WDFY3: variants seen among roughly 807,000 people sequenced by gnomAD.
The protein encoded by WDFY3 is WD repeat and FYVE domain containing 3.
WDFY3 carries 66 observed loss-of-function variants against 409.6 expected under a neutral mutation model. That is an observed-to-expected ratio of 0.16 (90% CI 0.13 to 0.20). The LOEUF (loss-of-function observed/expected upper bound fraction) is 0.20. Among genes scored for constraint, WDFY3 ranks in the 10% least tolerant of loss-of-function variants. The pLI, the probability that WDFY3 is intolerant of heterozygous loss-of-function variation, is 1.00. For synonymous variants in WDFY3, 1,521 were observed against 1,537.1 expected, an observed-to-expected ratio of 0.99 and a Z score of 0.25; for missense variants, 3,031 against 4,298.1, an observed-to-expected ratio of 0.71 and a Z score of 8.24.
chr4:84,690,355 C>CA, intron 61 of WDFY3, 151 bp downstream of exon 61: 2 of 1,105,390 alleles, frequency 1.8e-6, no homozygotes, highest in Non-Finnish European at 2.5e-6. Flanking sequence ...CTTTTTTTTT[C>CA]AAAAAAGTAT....
chr4:84,869,505 A>G (rs1761886458), intron 3 of WDFY3, among the ~76,000 whole-genome samples: 1 of 152,212 alleles, frequency 6.6e-6, no homozygotes, highest in Admixed American at 6.5e-5. Flanking sequence ...TGGTTACAAT[A>G]AAAAGTTATT....
chr4:84,704,050 A>T (rs535357652), intron 55 of WDFY3, among the ~76,000 whole-genome samples: 79 of 152,330 alleles, frequency 5.2e-4, no homozygotes, highest in Non-Finnish European at 1.0e-3. Flanking sequence ...GGAATATATC[A>T]TGTTTTTGTA....
intron 30 of WDFY3, among the ~76,000 whole-genome samples, chr4:84,767,623 TA>T (rs553099141): frequency 4.6e-3 from 605 of 131,568 alleles, no homozygotes; most frequent in African/African-American, 8.0e-3. Context: ...CACGCAATGA[TA>T]AAAAAAAAAA....
chr4:84,787,082 A>G (rs1043333456), intron 23 of WDFY3, among the ~76,000 whole-genome samples: 5 of 152,222 alleles, frequency 3.3e-5, no homozygotes, highest in African/African-American at 9.6e-5. Context: ...AATAATGTTA[A>G]GTGATCTCAT....
intron 43 of WDFY3, among the ~76,000 whole-genome samples, chr4:84,734,724 GA>G (rs1019582209): frequency 2.6e-5 from 4 of 152,178 alleles, no homozygotes; most frequent in Admixed American, 2.0e-4. Context: ...GCCTGAAAAA[GA>G]AGGCTCATTC....
chr4:84,778,118 TGTGAACATAAAATG>T (rs1392811010), intron 27 of WDFY3, among the ~76,000 whole-genome samples: 1 of 152,058 alleles, frequency 6.6e-6, no homozygotes, highest in African/African-American at 2.4e-5. Flanking sequence ...GACTATGAAA[TGTGAACATAAAATG>T]AATGATATTT....
intron 3 of WDFY3, among the ~76,000 whole-genome samples, chr4:84,866,720 C>A (rs938898617): frequency 2.6e-5 from 4 of 152,226 alleles, no homozygotes; most frequent in Admixed American, 2.0e-4. Context: ...CACTCCCACC[C>A]TGTGGAGTGC....
chr4:84,885,831 C>T (rs926106248), intron 3 of WDFY3, among the ~76,000 whole-genome samples: 32 of 152,128 alleles, frequency 2.1e-4, no homozygotes, highest in Admixed American at 1.3e-4. Context: ...ATCTAAAGGG[C>T]AATTTTGCAT....
Position 84,850,926 on chromosome 4 carries a change from CTGTTTTTTT to C in WDFY3, c.181-910_181-902del, listed in dbSNP as rs1324993417. ...AATTCTTATTTTTAATTTTATTTAT[CTGTTTTTTT>C]TTTTTTTTTTTTTTTTTTTTTTTTT... On this transcript the variant is annotated intron_variant, in intron 4 of 67. Coordinates refer to ENST00000295888, the MANE Select transcript of WDFY3 (RefSeq NM_014991.6). Among the ~76,000 whole-genome samples the C allele has an allele frequency of 3.2e-3, 103 of 32,154 alleles. 5 individuals are homozygous for C. Among genetic ancestry groups the C allele is most frequent in the African/African-American group, 9.6e-3 (79 of 8,238 alleles). The allele number at this position is 32,154 out of a possible 152,430, so 21.1% of individuals were successfully genotyped here. A position where few individuals can be genotyped will look rare whatever the true frequency, so the allele number is the denominator to read the frequency against.
chr4:84,908,351 T>A (rs1486526899), intron 2 of WDFY3, among the ~76,000 whole-genome samples: 1 of 152,158 alleles, frequency 6.6e-6, no homozygotes, highest in African/African-American at 2.4e-5. Context: ...TGATTGATTT[T>A]AAAATTAAAT....
intron 59 of WDFY3, 121 bp from the exon 60 acceptor site, chr4:84,691,906 A>G: frequency 1.0e-6 from 1 of 977,750 alleles, no homozygotes; most frequent in Non-Finnish European, 1.4e-6. Context: ...ACGTTGAGAA[A>G]AAATGATCTC....
At chr4:84,878,953 T>A (rs1763134108) in intron 3 of WDFY3, among the ~76,000 whole-genome samples, 1 of 152,228 alleles carries the variant, frequency 6.6e-6, no homozygotes, top group African/African-American at 2.4e-5. Flanking sequence ...TATAAGGAAC[T>A]AAGGGAATGC....
intron 5 of WDFY3, among the ~76,000 whole-genome samples, chr4:84,847,174 G>C (rs939261234): frequency 6.6e-6 from 1 of 151,906 alleles, no homozygotes; most frequent in Admixed American, 6.6e-5. Flanking sequence ...GCTGAGTCAG[G>C]CATATATCTT....
chr4:84,895,523 G>A (rs1765517845), intron 3 of WDFY3, among the ~76,000 whole-genome samples: 1 of 152,156 alleles, frequency 6.6e-6, no homozygotes, highest in African/African-American at 2.4e-5. Context: ...TGGAACAAAG[G>A]GTGAATATGG....
chr4:84,919,145 G>A (rs1281994505), intron 2 of WDFY3, among the ~76,000 whole-genome samples: 1 of 152,082 alleles, frequency 6.6e-6, no homozygotes, highest in Non-Finnish European at 1.5e-5. Context: ...TGCCACTGGT[G>A]AGGACTGGAA....
intron 36 of WDFY3, among the ~76,000 whole-genome samples, chr4:84,746,264 C>A (rs1193639591): frequency 2.0e-5 from 3 of 151,882 alleles, no homozygotes; most frequent in Non-Finnish European, 4.4e-5. Flanking sequence ...ATGCAATGAG[C>A]CATGACTGTG....
chr4:84,929,093 T>C (rs1478621183), intron 2 of WDFY3, among the ~76,000 whole-genome samples: 1 of 152,186 alleles, frequency 6.6e-6, no homozygotes, highest in African/African-American at 2.4e-5. Flanking sequence ...TCACCGTCTC[T>C]TGTTAGCTTG....
chr4:84,909,966 A>T (rs1249695675), intron 2 of WDFY3, among the ~76,000 whole-genome samples: 2 of 152,218 alleles, frequency 1.3e-5, no homozygotes, highest in African/African-American at 4.8e-5. Context: ...ACTGTCAACG[A>T]AATGAAACTA....
intron 24 of WDFY3, among the ~76,000 whole-genome samples, chr4:84,783,359 T>C (rs938572756): frequency 6.6e-6 from 1 of 152,088 alleles, no homozygotes; most frequent in Non-Finnish European, 1.5e-5. Flanking sequence ...CCAGGTCTTG[T>C]GGTGCATTAC....
Sources: allele counts gnomAD v4.1 joint callset (sites outside exome capture counted in the v4.1 genomes callset), GRCh38; gene constraint gnomAD v4.1.1; transcripts MANE v1.5; gene names NCBI Gene and HGNC (gene_info 2026-07-23, HGNC 2026-07-21).